The following CNTNAP2 variants were observed in gnomAD, a reference collection of about 807,000 sequenced individuals.
CNTNAP2 encodes contactin-associated protein-like 2.
In CNTNAP2, 98 loss-of-function variants were observed where a neutral mutation model predicts 155.2. The observed-to-expected ratio is 0.63, with a 90% CI of 0.54 to 0.75. CNTNAP2 has a LOEUF of 0.75. CNTNAP2 is among the 30% of genes least tolerant of loss of function. The pLI is 0.00. For synonymous variants in CNTNAP2, 651 were observed against 631.2 expected, an observed-to-expected ratio of 1.03 and a Z score of -0.47; for missense variants, 1,727 against 1,688.1, an observed-to-expected ratio of 1.02 and a Z score of -0.40.
intron 8 of CNTNAP2, among the ~76,000 whole-genome samples, chr7:147,252,664 T>C (rs1354703767): frequency 6.6e-6 from 1 of 152,216 alleles, no homozygotes; most frequent in Non-Finnish European, 1.5e-5. Context: ...TGAGATGTGC[T>C]TTTCAGTCCT....
At chr7:147,789,346 G>A (rs10224991) in intron 13 of CNTNAP2, among the ~76,000 whole-genome samples, 2,050 of 152,204 alleles carry the variant, frequency 0.013, 41 homozygotes, top group African/African-American at 0.046. Context: ...TTGGCTGGTC[G>A]TTCTATTTAC....
chr7:146,875,105 A>T (rs1026271017), intron 3 of CNTNAP2, among the ~76,000 whole-genome samples: 6 of 152,214 alleles, frequency 3.9e-5, no homozygotes, highest in African/African-American at 1.2e-4. Flanking sequence ...TTGACATGAA[A>T]GACAGACATA....
intron 2 of CNTNAP2, among the ~76,000 whole-genome samples, chr7:146,821,576 A>G: frequency 6.6e-6 from 1 of 152,140 alleles, no homozygotes; most frequent in Non-Finnish European, 1.5e-5. Context: ...TACTCATCTG[A>G]CAAAGGGCTA....
chr7:147,610,566 G>A (rs751733386), intron 12 of CNTNAP2, among the ~76,000 whole-genome samples: 3 of 152,102 alleles, frequency 2.0e-5, no homozygotes, highest in Non-Finnish European at 4.4e-5. Context: ...TGCAGAGTGG[G>A]TTATATGTTT....
chr7:146,229,163 CAA>C (rs1799343249), intron 1 of CNTNAP2, among the ~76,000 whole-genome samples: 1 of 152,070 alleles, frequency 6.6e-6, no homozygotes, highest in East Asian at 1.9e-4. Context: ...AAAAAATATT[CAA>C]TGAATTGCCA....
At chr7:148,229,582 G>T in intron 19 of CNTNAP2, 64 bp from the exon 20 acceptor site, 1 of 1,549,296 alleles carries the variant, frequency 6.5e-7, no homozygotes. Flanking sequence ...GGAATTGAGG[G>T]GATGTGACAT....
At chr7:148,294,438 AC>A (rs1425609928) in intron 21 of CNTNAP2, among the ~76,000 whole-genome samples, 28 of 152,366 alleles carry the variant, frequency 1.8e-4, no homozygotes, top group East Asian at 7.7e-4. Context: ...GTTTTGGAAA[AC>A]AAAAGAGCTC....
intron 15 of CNTNAP2, among the ~76,000 whole-genome samples, chr7:148,068,254 T>C (rs1803307951): frequency 6.6e-6 from 1 of 152,220 alleles, no homozygotes; most frequent in African/African-American, 2.4e-5. Context: ...CTTTTCCCTG[T>C]TGTCTTTCCC....
chr7:146,157,299 T>A (rs1050988754), intron 1 of CNTNAP2, among the ~76,000 whole-genome samples: 2 of 152,158 alleles, frequency 1.3e-5, no homozygotes, highest in African/African-American at 4.8e-5. Context: ...GATGGCCGAA[T>A]AAGAACAGCT....
intron 1 of CNTNAP2, among the ~76,000 whole-genome samples, chr7:146,409,930 C>G (rs746468229): frequency 3.3e-5 from 5 of 152,194 alleles, no homozygotes; most frequent in Non-Finnish European, 5.9e-5. Context: ...CAATGACTTT[C>G]AAGGTCCTTC....
chr7:147,239,486 G>A (rs538433357), intron 8 of CNTNAP2, among the ~76,000 whole-genome samples: 1 of 150,678 alleles, frequency 6.6e-6, no homozygotes, highest in African/African-American at 2.4e-5. Flanking sequence ...CTCCAGCCTG[G>A]GCAATAGAGC....
chr7:147,607,756 A>C (rs1801100897), intron 12 of CNTNAP2, among the ~76,000 whole-genome samples: 2 of 152,184 alleles, frequency 1.3e-5, no homozygotes, highest in South Asian at 4.1e-4. Context: ...CGGTGTCAGA[A>C]AGAGCATAAT....
chr7:147,586,523 GAGGAAGGA>G (rs1554408296), intron 12 of CNTNAP2, among the ~76,000 whole-genome samples: 1 of 42,008 alleles, frequency 2.4e-5, no homozygotes, highest in Non-Finnish European at 4.1e-5. Context: ...AGAGAGAGAA[GAGGAAGGA>G]AGGAAGGAAG....
At chr7:148,285,426 T>A (rs991123640) in intron 21 of CNTNAP2, among the ~76,000 whole-genome samples, 1 of 152,222 alleles carries the variant, frequency 6.6e-6, no homozygotes, top group Non-Finnish European at 1.5e-5. Context: ...AGCAAAGCCA[T>A]ACACAGAAGT....
At chr7:148,242,487 C>A (rs941838004) in intron 20 of CNTNAP2, among the ~76,000 whole-genome samples, 2 of 152,088 alleles carry the variant, frequency 1.3e-5, no homozygotes, top group East Asian at 1.9e-4. Context: ...AACCAGTGAG[C>A]GTAGGGAAGG....
At chr7:147,820,940 G>A (rs1798350545) in intron 13 of CNTNAP2, among the ~76,000 whole-genome samples, 1 of 152,062 alleles carries the variant, frequency 6.6e-6, no homozygotes, top group South Asian at 2.1e-4. Context: ...AGGTACTAAT[G>A]TGGAAGTATC....
At chr7:146,690,901 T>C (rs1800687457) in intron 1 of CNTNAP2, among the ~76,000 whole-genome samples, 1 of 152,112 alleles carries the variant, frequency 6.6e-6, no homozygotes, top group Admixed American at 6.6e-5. Flanking sequence ...ATATATAGAA[T>C]GATTGGAAAG....
At chr7:146,908,360 AC>A (rs1796192342) in intron 3 of CNTNAP2, among the ~76,000 whole-genome samples, 1 of 149,186 alleles carries the variant, frequency 6.7e-6, no homozygotes, top group South Asian at 2.1e-4. Context: ...TCTTTTCAGC[AC>A]CACACCACAC....
At chr7:147,092,759 G>C (rs1175225896) in intron 4 of CNTNAP2, among the ~76,000 whole-genome samples, 1 of 152,128 alleles carries the variant, frequency 6.6e-6, no homozygotes, top group African/African-American at 2.4e-5. Flanking sequence ...ACATACCTCT[G>C]TACTACAAAA....
Sources: gnomAD v4.1 joint callset for allele counts (sites outside exome capture counted in the v4.1 genomes callset) on GRCh38, gnomAD v4.1.1 for gene constraint, MANE v1.5 for transcripts, NCBI Gene and HGNC (gene_info 2026-07-23, HGNC 2026-07-21) for gene names.